The following RPS24 variants were observed in gnomAD, a reference collection of about 807,000 sequenced individuals.
RPS24 encodes the protein ribosomal protein S24, also known as small ribosomal subunit protein eS24.
For missense variants in RPS24, 100 were observed against 162.5 expected (o/e 0.62, Z 2.09); for synonymous variants, 72 against 55.6 (o/e 1.30, Z -1.31).
downstream of RPS24, among the ~76,000 whole-genome samples, chr10:78,044,170 T>A (rs1848017975): frequency 6.6e-6 from 1 of 152,124 alleles, no homozygotes; most frequent in African/African-American, 2.4e-5. Flanking sequence ...CTAAGAACGT[T>A]TGCCCCATGG....
chr10:78,037,908 T>C, intron 4 of RPS24: 5 of 818,140 alleles, frequency 6.1e-6, no homozygotes, highest in Non-Finnish European at 8.3e-6. Context: ...TGAACTTTTT[T>C]TTTTTTTTTT....
chr10:78,056,652 A>G (rs1338572150), exon 5 of RPS24: 3 of 152,172 alleles, frequency 2.0e-5, no homozygotes, highest in Non-Finnish European at 2.9e-5. Flanking sequence ...TTTTGCTACC[A>G]CAAGTGAAGC....
intron 1 of RPS24, chr10:78,034,477 T>A (rs1361784617): frequency 6.4e-6 from 1 of 155,782 alleles, no homozygotes; most frequent in Non-Finnish European, 1.4e-5. Context: ...TTTTTAACTT[T>A]ACCAGCAATC....
rs57866839 is a variant in RPS24 at position 78,035,609 on chromosome 10, T to C, written c.168T>C (p.Phe56=). The C allele has an allele frequency of 5.0e-4, 800 of 1,612,936 alleles. 4 individuals are homozygous for C. The African/African-American group carries it at 9.3e-3, about 19-fold the overall frequency. Residue 56 remains phenylalanine, a synonymous_variant, in exon 3 of 6, where the codon TTT becomes TTC. Transcript: ENST00000372360. ...KMYKTTPDVI[F]VFGFRTHFGG... The stretch of plus-strand genomic sequence containing the variant: ...ACAAGACCACACCGGATGTCATCTT[T>C]GTATTTGGATTCAGAACTCATTTTG...
chr10:78,043,534 G>A (rs865834741), downstream of RPS24, among the ~76,000 whole-genome samples: 8 of 152,172 alleles, frequency 5.3e-5, no homozygotes, highest in African/African-American at 1.7e-4. Context: ...GGTGCCAGTT[G>A]CCATGGGTTT....
At position 78,033,931 on chromosome 10, in the gene RPS24, A is replaced by C. The variant is rs772074962; in HGVS notation, c.3+27A>C. 1.1e-5 allele frequency: 18 copies of C among 1,613,808 alleles called. No individual in the cohort carries two copies. The African/African-American group carries it at 2.0e-4, about 18-fold the overall frequency. ...TGAGTCTCCCTGGGCCCGTGCAGTC[A>C]TCTGCCGCGTATCCGAGCCATCCGT... is the stretch of plus-strand genomic sequence containing the variant. On this transcript the variant is annotated intron_variant, in intron 1 of 5. Transcript: ENST00000372360.
At chr10:78,045,834 T>G (rs1465381856) in intron 4 of RPS24, among the ~76,000 whole-genome samples, 2 of 151,816 alleles carry the variant, frequency 1.3e-5, no homozygotes, top group Non-Finnish European at 2.9e-5. Context: ...GTGAAACATC[T>G]CTACTAAAAA....
intron 1 of RPS24, chr10:78,034,116 C>T (rs549062581): frequency 9.5e-6 from 6 of 629,034 alleles, no homozygotes; most frequent in African/African-American, 5.5e-5. Context: ...GGGCTTCGGG[C>T]TCCAGCGCCT....
downstream of RPS24, chr10:78,040,718 G>A (rs1013218033): frequency 5.6e-6 from 9 of 1,593,050 alleles, no homozygotes; most frequent in East Asian, 6.7e-5. Flanking sequence ...TGTTTGAAAT[G>A]TATTTGCAGT....
At chr10:78,046,346 C>CTTTTT (rs57003851) in intron 4 of RPS24, among the ~76,000 whole-genome samples, 4,022 of 125,900 alleles carry the variant, frequency 0.032, 164 homozygotes, top group East Asian at 0.16. Flanking sequence ...TCTCATTTAC[C>CTTTTT]TTTTTTTTTT....
At chr10:78,037,902 CTTTTTTTTT>C (rs55902139) in intron 4 of RPS24, 35 of 379,904 alleles carry the variant, frequency 9.2e-5, no homozygotes, top group Middle Eastern at 4.2e-4. Flanking sequence ...GTTCTGTGAA[CTTTTTTTTT>C]TTTTTTTTTT....
chr10:78,035,581 T>C lies in RPS24; in HGVS notation c.140T>C (p.Met47Thr). Residue 47 changes from methionine to threonine, a missense_variant, in exon 3 of 6, where the codon ATG becomes ACG. Physicochemically the swap from Met to Thr is moderately conservative, Grantham distance 81. Coordinates refer to ENST00000372360, the MANE Select transcript of RPS24 (RefSeq NM_033022.4). Reference protein sequence around the residue: ...KTEIREKLAKMYKTTPDVIFV... With the variant: ...KTEIREKLAKTYKTTPDVIFV... ...GAAATTCGGGAAAAACTAGCCAAAA[T>C]GTACAAGACCACACCGGATGTCATC... 2 of 1,613,970 alleles carry C rather than the reference T, an allele frequency of 1.2e-6. No individual in the cohort carries two copies. The highest frequency in any genetic ancestry group is 1.7e-6 in the Non-Finnish European group (2 of 1,180,030).
chr10:78,052,917 C>T (rs1848113514), intron 4 of RPS24, among the ~76,000 whole-genome samples: 3 of 152,090 alleles, frequency 2.0e-5, no homozygotes, highest in South Asian at 4.2e-4. Context: ...TTTGGGAGGC[C>T]GAAGTGGGTG....
rs377074941 is a variant in RPS24, at chr10:78,053,732, G to A, written c.391-799G>A. Among the ~76,000 whole-genome samples the A allele has an allele frequency of 5.3e-5, 8 of 152,230 alleles. No individual in the cohort carries two copies. In the East Asian group the frequency reaches 1.4e-3, roughly 26 times the overall value. On this transcript the variant is annotated intron_variant, in intron 4 of 4. Coordinates refer to the RPS24 transcript ENST00000440692. Reference sequence around the variant, plus strand: ...GGCTTTCCCCTCTCATAAAAAGCAGGTTGCTCACCGGATGAAGGGGTGTCT... The same window carrying A: ...GGCTTTCCCCTCTCATAAAAAGCAGATTGCTCACCGGATGAAGGGGTGTCT...
At position 78,034,793 on chromosome 10, in the gene RPS24, T is replaced by G. The variant is rs1488826103; in HGVS notation, c.4-559T>G. 2.6e-5 allele frequency among the ~76,000 whole-genome samples: 4 copies of G among 152,232 alleles called. No individual in the cohort carries two copies. In the East Asian group the frequency reaches 7.7e-4, roughly 29 times the overall value. Reference sequence around the variant, plus strand: ...ACATGTAGGTAGTGAGTACAAGGTTTGGGGCACATTTGTGCAAGACATGAT... The same window carrying G: ...ACATGTAGGTAGTGAGTACAAGGTTGGGGGCACATTTGTGCAAGACATGAT... On this transcript the variant is annotated intron_variant, in intron 1 of 5. Coordinates refer to ENST00000372360, the MANE Select transcript of RPS24 (RefSeq NM_033022.4).
chr10:78,043,264 A>G (rs1169666547), downstream of RPS24, among the ~76,000 whole-genome samples: 2 of 152,058 alleles, frequency 1.3e-5, no homozygotes, highest in African/African-American at 2.4e-5. Context: ...TGGCCTCCCA[A>G]AGTGCTGGGA....
rs751090185 is a variant in RPS24, at chr10:78,035,408, G to A, written c.60G>A (p.Arg20=). ...TCATGACCAACCGACTACTTCAGAGGAAACAAATGGTAAGGAAGGGCACAT... is the reference window on the plus strand; with the variant it reads ...TCATGACCAACCGACTACTTCAGAGAAAACAAATGGTAAGGAAGGGCACAT... The part of the protein sequence containing the change: ...RKFMTNRLLQ[R]KQMVIDVLHP... Residue 20 remains arginine, a synonymous_variant, in exon 2 of 6, where the codon AGG becomes AGA. Coordinates refer to ENST00000372360, the MANE Select transcript of RPS24 (RefSeq NM_033022.4). 2.2e-5 allele frequency: 36 copies of A among 1,614,062 alleles called. No homozygotes were observed. The highest frequency in any genetic ancestry group is 1.6e-4 in the Middle Eastern group (1 of 6,084).
At chr10:78,055,183 C>T (rs1848138687) in exon 5 of RPS24, 2 of 1,101,462 alleles carry the variant, frequency 1.8e-6, no homozygotes, top group Non-Finnish European at 2.4e-6. Context: ...AAAGACCTCC[C>T]CACGCCCCCA....
At chr10:78,049,230 CA>C (rs1848075665) in intron 4 of RPS24, 1 of 152,184 alleles carries the variant, frequency 6.6e-6, no homozygotes, top group African/African-American at 2.4e-5. Flanking sequence ...TTTAAGGTAA[CA>C]AAACACTGCA....
Sources: allele counts gnomAD v4.1 joint callset (sites outside exome capture counted in the v4.1 genomes callset), GRCh38; gene constraint gnomAD v4.1.1; transcripts MANE v1.5; gene names NCBI Gene and HGNC (gene_info 2026-07-23, HGNC 2026-07-21).